HNRNPU: variants seen among roughly 807,000 people sequenced by gnomAD.
HNRNPU encodes HNRNPU antisense RNA 1.
Under a neutral mutation model 94.7 loss-of-function variants are expected in HNRNPU, and 5 were observed. That is an observed-to-expected ratio of 0.05 (90% CI 0.03 to 0.11). The LOEUF (loss-of-function observed/expected upper bound fraction) is 0.11. HNRNPU is among the 10% of genes least tolerant of loss of function. The pLI, the probability that HNRNPU is intolerant of heterozygous loss-of-function variation, is 1.00. For missense variants in HNRNPU, 710 were observed against 1,049.2 expected (o/e 0.68, Z 4.47); for synonymous variants, 434 against 381.6 (o/e 1.14, Z -1.60).
chr1:244,854,232 G>A lies in HNRNPU; in HGVS notation c.*218C>T, dbSNP rs1319944556. 2.1e-6 allele frequency: 1 copy of A among 479,692 alleles called. No individual in the cohort carries two copies. Among genetic ancestry groups the A allele is most frequent in the African/African-American group, 2.1e-5 (1 of 48,622 alleles). The allele number at this position is 479,692 out of a possible 1,614,324, so 29.7% of individuals were successfully genotyped here. A position where few individuals can be genotyped will look rare whatever the true frequency, so the allele number is the denominator to read the frequency against. Reference sequence around the variant, plus strand: ...TGAAATACTGACACATTCTCTTATCGTGCACAATGCTGAGGTTCTCTTACG... The same window carrying A: ...TGAAATACTGACACATTCTCTTATCATGCACAATGCTGAGGTTCTCTTACG... On this transcript the variant is annotated 3_prime_UTR_variant, in exon 14 of 14. Transcript: ENST00000640218.
At chr1:244,862,215 C>G in intron 3 of HNRNPU, 2 of 394,048 alleles carry the variant, frequency 5.1e-6, no homozygotes, top group Non-Finnish European at 9.0e-6. Context: ...TTTACATTTC[C>G]TAAGAATGAG....
At chr1:244,860,192 T>A in intron 4 of HNRNPU, 143 bp downstream of exon 4, 1 of 626,674 alleles carries the variant, frequency 1.6e-6, no homozygotes, top group South Asian at 2.1e-5. Flanking sequence ...CCGAGCTACT[T>A]GAGAGACTGA....
In HNRNPU at chr1:244,864,497, G is replaced by C; in HGVS notation, c.-190C>G. 1.0e-6 allele frequency: 1 copy of C among 977,638 alleles called. No individual in the cohort carries two copies. The highest frequency in any genetic ancestry group is 1.4e-6 in the Non-Finnish European group (1 of 694,080). 60.6% of individuals were successfully genotyped at this position (977,638 alleles called of 1,614,324 possible). ...CCAATTCCTTTCACCGAGTTCGCGA[G>C]GGAGACGCGGAGACTCGCCTGGCGC... On this transcript the variant is annotated 5_prime_UTR_variant, in exon 1 of 14. Transcript: ENST00000640218.
At chr1:244,857,501 C>G (rs867409609) in intron 8 of HNRNPU, 97 bp downstream of exon 8, 4 of 1,252,750 alleles carry the variant, frequency 3.2e-6, no homozygotes, top group Middle Eastern at 1.9e-4. Context: ...TCCACCTCAG[C>G]CTCTCAAAAT....
rs567251600 is a variant in HNRNPU, at chr1:244,854,216, GAC to G, written c.*232_*233del. The G allele has an allele frequency of 3.2e-4, 133 of 420,078 alleles. 1 individual carries two copies. In the South Asian group the frequency reaches 4.6e-3, roughly 15 times the overall value. The allele number at this position is 420,078 out of a possible 1,614,324, so 26.0% of individuals were successfully genotyped here. A position where few individuals can be genotyped will look rare whatever the true frequency, so the allele number is the denominator to read the frequency against. On this transcript the variant is annotated 3_prime_UTR_variant, in exon 14 of 14. Transcript: ENST00000640218. Reference sequence around the variant, plus strand: ...ATAAAATGTAGAACCCTGAAATACTGACACATTCTCTTATCGTGCACAATGCT... The same window carrying G: ...ATAAAATGTAGAACCCTGAAATACTGACATTCTCTTATCGTGCACAATGCT...
In HNRNPU at chr1:244,862,404, A is replaced by AAAAC. The variant is rs1223435793; in HGVS notation, c.877+56_877+57insGTTT. The AAAAC allele has an allele frequency of 4.1e-6, 5 of 1,225,458 alleles. No individual in the cohort carries two copies. In the African/African-American group the frequency reaches 6.2e-5, roughly 15 times the overall value. The allele number at this position is 1,225,458 out of a possible 1,614,324, so 75.9% of individuals were successfully genotyped here. Reference sequence around the variant, plus strand: ...TAAGCATTAAGACTTCTAAAAAAAAAAAAAAAAAAACCACCATCACCGCAT... The same window carrying AAAAC: ...TAAGCATTAAGACTTCTAAAAAAAAAAAACAAAAAAAAAACCACCATCACCGCAT... On this transcript the variant is annotated intron_variant, in intron 3 of 13. Coordinates refer to ENST00000640218, the MANE Select transcript of HNRNPU (RefSeq NM_031844.3).
intron 12 of HNRNPU, 39 bp from the exon 13 acceptor site, chr1:244,855,083 A>C: frequency 6.6e-7 from 1 of 1,524,086 alleles, no homozygotes; most frequent in Middle Eastern, 1.7e-4. Flanking sequence ...TCTGAGCCCA[A>C]TTGCTTGTTA....
chr1:244,856,982 A>AT, intron 8 of HNRNPU, 126 bp from the exon 9 acceptor site: 1 of 781,494 alleles, frequency 1.3e-6, no homozygotes, highest in Non-Finnish European at 2.1e-6. Context: ...ACCTTTGTCC[A>AT]TTATTGCTAC....
rs1484652271 is a variant in HNRNPU, at chr1:244,856,620, A to G, written c.1749T>C (p.Asn583=). 1.2e-6 allele frequency: 2 copies of G among 1,612,472 alleles called. No individual in the cohort carries two copies. Among genetic ancestry groups the G allele is most frequent in the Admixed American group, 1.7e-5 (1 of 59,604 alleles). ...KKRNFILDQT[N]VSAAAQRRKM... is the part of the protein sequence containing the mutation. ...TTCTCCTCTGGGCAGCAGCAGACAC[A>G]TTTGTCTTTAAAAAAAGAAATTTAT... The change falls in exon 10 of 14, where the codon AAT becomes AAC. Residue 583 remains asparagine (N), a synonymous_variant. Transcript: ENST00000640218.
At chr1:244,863,532 C>T (rs1167740565) in intron 1 of HNRNPU, 85 bp downstream of exon 1, 4 of 1,274,498 alleles carry the variant, frequency 3.1e-6, no homozygotes, top group Non-Finnish European at 3.9e-6. Context: ...GGCTCCCTCC[C>T]CCTGCGGGGC....
rs1680793740 is a variant in HNRNPU, at chr1:244,860,313, CAAAT to C, written c.1017+18_1017+21del. On this transcript the variant is annotated intron_variant, in intron 4 of 13. Transcript: ENST00000640218. Reference sequence around the variant, plus strand: ...GAGACTGTCTCCACAAACAAACAAACAAATCATAAAATTGCATTTACCTTCATCT... The same window carrying C: ...GAGACTGTCTCCACAAACAAACAAACCATAAAATTGCATTTACCTTCATCT... The C allele has an allele frequency of 1.2e-6, 2 of 1,601,312 alleles. No homozygotes were observed. Among genetic ancestry groups the C allele is most frequent in the Non-Finnish European group, 1.7e-6 (2 of 1,173,244 alleles).
Position 244,852,137 on chromosome 1 carries a change from TCTTA to T in HNRNPU, c.*2309_*2312del, listed in dbSNP as rs1412479523. 5 of 152,204 alleles carry T rather than the reference TCTTA, an allele frequency of 3.3e-5. No individual in the cohort carries two copies. The highest frequency in any genetic ancestry group is 9.6e-5 in the African/African-American group (4 of 41,454). 9.4% of individuals were successfully genotyped at this position (152,204 alleles called of 1,614,324 possible). A position where few individuals can be genotyped will look rare whatever the true frequency, so the allele number is the denominator to read the frequency against. Reference sequence around the variant, plus strand: ...CAATAAATCAGGTTTCTCGTTCGTATCTTACTTCTTACCTAATTTTCTCCCTGTT... The same window carrying T: ...CAATAAATCAGGTTTCTCGTTCGTATCTTCTTACCTAATTTTCTCCCTGTT... On this transcript the variant is annotated 3_prime_UTR_variant, in exon 14 of 14. Coordinates refer to ENST00000640218, the MANE Select transcript of HNRNPU (RefSeq NM_031844.3).
In HNRNPU at chr1:244,862,779, A is replaced by G. The variant is rs1443800393; in HGVS notation, c.692-49T>C. 5 of 1,432,210 alleles carry G rather than the reference A, an allele frequency of 3.5e-6. No homozygotes were observed. The Admixed American group carries it at 8.6e-5, about 25-fold the overall frequency. The allele number at this position is 1,432,210 out of a possible 1,614,324, so 88.7% of individuals were successfully genotyped here. A position where few individuals can be genotyped will look rare whatever the true frequency, so the allele number is the denominator to read the frequency against. ...AAGGCCAAGCCTCTAAACAACAAAA[A>G]AACGCTTTTCCGTTCCGAGAACCAA... is the stretch of plus-strand genomic sequence containing the variant. On this transcript the variant is annotated intron_variant, in intron 1 of 13. Transcript: ENST00000640218.
intron 3 of HNRNPU, 155 bp from the exon 4 acceptor site, chr1:244,860,629 C>T (rs1680801553): frequency 1.6e-6 from 1 of 623,898 alleles, no homozygotes; most frequent in Non-Finnish European, 2.8e-6. Context: ...CAGTTTAAAG[C>T]CCCACTCCCA....
In HNRNPU at chr1:244,850,980, T is replaced by G. The variant is rs1680532791; in HGVS notation, c.*3470A>C. ...TTCTCTGCTACAAGTTCCATCCACTTTTTTTTTTTCAAGAGACCAGGTCTC... is the reference window on the plus strand; with the variant it reads ...TTCTCTGCTACAAGTTCCATCCACTGTTTTTTTTTCAAGAGACCAGGTCTC... On this transcript the variant is annotated 3_prime_UTR_variant, in exon 14 of 14. Transcript: ENST00000640218. The G allele has an allele frequency of 6.6e-6, 1 of 151,034 alleles. No individual in the cohort carries two copies. 9.4% of individuals were successfully genotyped at this position (151,034 alleles called of 1,614,324 possible).
intron 12 of HNRNPU, 100 bp from the exon 13 acceptor site, chr1:244,855,144 T>C (rs1305567246): frequency 1.1e-6 from 1 of 910,050 alleles, no homozygotes; most frequent in African/African-American, 1.8e-5. Flanking sequence ...TGCTAGCCCC[T>C]AATCTTAGGT....
At chr1:244,856,184 A>T in intron 10 of HNRNPU, 26 bp from the exon 11 acceptor site, 1 of 1,581,952 alleles carries the variant, frequency 6.3e-7, no homozygotes, top group Non-Finnish European at 8.6e-7. Context: ...TCATATTATT[A>T]ATTTAGAAAC....
chr1:244,861,593 T>C (rs1273633128), intron 3 of HNRNPU: 2 of 152,176 alleles, frequency 1.3e-5, no homozygotes, highest in South Asian at 2.1e-4. Flanking sequence ...CAAGAAAACA[T>C]GAGAAGCTAA....
Position 244,864,095 on chromosome 1 carries a change from T to A in HNRNPU, c.213A>T (p.Gly71=), listed in dbSNP as rs1249321476. 6.3e-7 allele frequency: 1 copy of A among 1,597,048 alleles called. No individual in the cohort carries two copies. Among genetic ancestry groups the A allele is most frequent in the Middle Eastern group, 1.7e-4 (1 of 6,032 alleles). ...CCGCGGCCTCCTGCTCGAGGCCTGC[T>A]CCCGAGCGCCCAGCGGAATCCCCGC... ...DLGGDSAGRS[G]AGLEQEAAAG... The change falls in exon 1 of 14, where the codon GGA becomes GGT. Residue 71 remains glycine, a synonymous_variant. Coordinates refer to ENST00000640218, the MANE Select transcript of HNRNPU (RefSeq NM_031844.3).
Sources: gnomAD v4.1 joint callset for allele counts on GRCh38, gnomAD v4.1.1 for gene constraint, MANE v1.5 for transcripts, NCBI Gene and HGNC (gene_info 2026-07-23, HGNC 2026-07-21) for gene names.